The following PARD3B variants were observed in gnomAD, a reference collection of about 807,000 sequenced individuals.
PARD3B encodes partitioning defective 3 homolog B.
PARD3B carries 103 observed loss-of-function variants against 130.2 expected under a neutral mutation model. The ratio of observed to expected loss-of-function variants is 0.79; its 90% CI spans 0.67 to 0.93. The LOEUF is 0.93. Ranked by LOEUF, PARD3B falls within the 40% of genes least tolerant of loss-of-function variation. The pLI, the probability that PARD3B is intolerant of heterozygous loss-of-function variation, is 0.00. For missense variants in PARD3B, 1,609 were observed against 1,499.2 expected, an observed-to-expected ratio of 1.07 and a Z score of -1.21; for synonymous variants, 583 against 553.2, an observed-to-expected ratio of 1.05 and a Z score of -0.76.
chr2:205,586,445 G>A (rs933311282), intron 22 of PARD3B, among the ~76,000 whole-genome samples: 6 of 152,232 alleles, frequency 3.9e-5, no homozygotes, highest in African/African-American at 1.4e-4. Flanking sequence ...TCCAGAAAGG[G>A]TTCTGTTGGG....
At chr2:205,528,945 T>C (rs1322315003) in intron 21 of PARD3B, among the ~76,000 whole-genome samples, 1 of 152,274 alleles carries the variant, frequency 6.6e-6, no homozygotes, top group Middle Eastern at 3.4e-3. Context: ...CTCATTTAAG[T>C]ATTTTTGTAG....
chr2:205,124,526 T>C (rs1296682942), intron 9 of PARD3B, 60 bp downstream of exon 9: 1 of 1,291,920 alleles, frequency 7.7e-7, no homozygotes, highest in Non-Finnish European at 1.0e-6. Context: ...TAATGCCATT[T>C]AATTGCATTG....
In PARD3B at chr2:205,421,757, T is replaced by G. The variant is rs1390301031; in HGVS notation, c.2742-18613T>G. 2.6e-5 allele frequency among the ~76,000 whole-genome samples: 4 copies of G among 152,172 alleles called. No homozygotes were observed. Among genetic ancestry groups the G allele is most frequent in the Admixed American group, 1.3e-4 (2 of 15,272 alleles). On this transcript the variant is annotated intron_variant, in intron 19 of 22. Coordinates refer to ENST00000406610, the MANE Select transcript of PARD3B (RefSeq NM_001302769.2). This position sits in a 1 kb window ranked among gnomAD's most constrained non-coding sequence, Gnocchi z 5.1. ...TGAAGTTAGTTTCACTGAGCTAGAG[T>G]CAAGATGTCAACTGAGCTGATTCCT...
chr2:204,889,109 C>T (rs1267155473), intron 2 of PARD3B, among the ~76,000 whole-genome samples: 1 of 152,068 alleles, frequency 6.6e-6, no homozygotes, highest in Non-Finnish European at 1.5e-5. Context: ...CTGAGTAAGC[C>T]GTGCGTCTTT....
At chr2:204,927,856 G>A (rs906910760) in intron 2 of PARD3B, among the ~76,000 whole-genome samples, 14 of 151,994 alleles carry the variant, frequency 9.2e-5, no homozygotes, top group Admixed American at 5.2e-4. Context: ...AGGTAGGTAG[G>A]TAGGTAGATA....
chr2:205,094,118 A>G lies in PARD3B; in HGVS notation c.505-10308A>G, dbSNP rs564298972. ...ATAAGTCATGGTAAGGATTGCTTCA[A>G]GTGCCTCTTAGGTTGTCTGAAGAAA... On this transcript the variant is annotated intron_variant, in intron 4 of 22. Coordinates refer to ENST00000406610, the MANE Select transcript of PARD3B (RefSeq NM_001302769.2). 1.1e-4 allele frequency among the ~76,000 whole-genome samples: 17 copies of G among 152,288 alleles called. No individual in the cohort carries two copies. The South Asian group carries it at 3.1e-3, about 28-fold the overall frequency.
At chr2:205,435,110 A>C (rs1329215733) in intron 19 of PARD3B, among the ~76,000 whole-genome samples, 1 of 152,102 alleles carries the variant, frequency 6.6e-6, no homozygotes, top group Non-Finnish European at 1.5e-5. Flanking sequence ...AGAAAATGCA[A>C]ATAGCACATA....
intron 2 of PARD3B, among the ~76,000 whole-genome samples, chr2:204,787,801 G>T (rs552689399): frequency 6.6e-6 from 1 of 152,128 alleles, no homozygotes; most frequent in East Asian, 1.9e-4. Context: ...TTTGGGCAGG[G>T]TTGAATATAT....
At chr2:205,152,877 T>C (rs1167231304) in intron 10 of PARD3B, among the ~76,000 whole-genome samples, 1 of 152,330 alleles carries the variant, frequency 6.6e-6, no homozygotes, top group Admixed American at 6.5e-5. Flanking sequence ...CTCTGTTTTT[T>C]CCCCATCTTT....
At chr2:205,175,685 A>G (rs1233987210) in intron 12 of PARD3B, among the ~76,000 whole-genome samples, 1 of 152,214 alleles carries the variant, frequency 6.6e-6, no homozygotes, top group African/African-American at 2.4e-5. Context: ...GAGACAAATA[A>G]TACGAACAAG....
At chr2:205,191,053 C>A (rs1348608939) in intron 14 of PARD3B, among the ~76,000 whole-genome samples, 1 of 142,502 alleles carries the variant, frequency 7.0e-6, no homozygotes, top group Non-Finnish European at 1.5e-5. Flanking sequence ...TGAGAATGTA[C>A]CCAGACACCA....
chr2:205,398,539 T>C lies in PARD3B; in HGVS notation c.2631-2474T>C, dbSNP rs186997272. On this transcript the variant is annotated intron_variant, in intron 18 of 22. Transcript: ENST00000406610. ...TACAACCAAAAAACTACAGTAGGAG[T>C]AGAGAGAGATGGAGAGATGGCAATG... Among the ~76,000 whole-genome samples, 7 of 151,270 alleles carry C rather than the reference T, an allele frequency of 4.6e-5. No homozygotes were observed. In the East Asian group the frequency reaches 1.4e-3, roughly 30 times the overall value.
intron 2 of PARD3B, among the ~76,000 whole-genome samples, chr2:204,876,600 G>A (rs969605477): frequency 1.3e-5 from 2 of 152,134 alleles, no homozygotes; most frequent in Non-Finnish European, 2.9e-5. Flanking sequence ...CTTTTAACAT[G>A]TTGGAACTCT....
At chr2:205,541,628 G>C (rs546559333) in intron 21 of PARD3B, among the ~76,000 whole-genome samples, 67 of 152,096 alleles carry the variant, frequency 4.4e-4, no homozygotes, top group Middle Eastern at 3.4e-3. Flanking sequence ...GATTACAGGC[G>C]TGAGCCACCG....
chr2:205,331,846 G>T (rs1301337828), intron 18 of PARD3B, among the ~76,000 whole-genome samples: 1 of 149,090 alleles, frequency 6.7e-6, no homozygotes, highest in Admixed American at 6.7e-5. Flanking sequence ...AGTGGCTCAT[G>T]CCTGTAATCC....
intron 2 of PARD3B, among the ~76,000 whole-genome samples, chr2:204,953,965 A>G (rs1440734379): frequency 2.0e-5 from 3 of 152,168 alleles, no homozygotes; most frequent in Non-Finnish European, 4.4e-5. Flanking sequence ...CCCAGAAAAG[A>G]GGTGCCACAC....
chr2:204,706,856 C>T (rs568785790), intron 2 of PARD3B, among the ~76,000 whole-genome samples: 2 of 152,072 alleles, frequency 1.3e-5, no homozygotes, highest in Admixed American at 1.3e-4. Flanking sequence ...TAGCAAAACA[C>T]TAATATTTAT....
At chr2:204,657,936 T>G (rs2035690599) in intron 1 of PARD3B, among the ~76,000 whole-genome samples, 1 of 152,130 alleles carries the variant, frequency 6.6e-6, no homozygotes, top group Non-Finnish European at 1.5e-5. Context: ...TCTTCATATA[T>G]TCTATAGTTT....
rs140549610 is a variant in PARD3B at position 205,239,404 on chromosome 2, CAT to C, written c.2141-6371_2141-6370del. Among the ~76,000 whole-genome samples, 1,120 of 152,222 alleles carry C rather than the reference CAT, an allele frequency of 7.4e-3. 17 individuals are homozygous for C. The highest frequency in any genetic ancestry group is 0.025 in the African/African-American group (1,050 of 41,546). On this transcript the variant is annotated intron_variant, in intron 15 of 22. Coordinates refer to ENST00000406610, the MANE Select transcript of PARD3B (RefSeq NM_001302769.2). ...TCTTTTTCTTAATGAAACTATTTAACATATTTTATTCTAACAAATATGTCATT... is the reference window on the plus strand; with the variant it reads ...TCTTTTTCTTAATGAAACTATTTAACATTTTATTCTAACAAATATGTCATT...
Sources: gnomAD v4.1 joint callset for allele counts (sites outside exome capture counted in the v4.1 genomes callset) on GRCh38, gnomAD v4.1.1 for gene constraint, Gnocchi (gnomAD v3.1) non-coding constraint, MANE v1.5 for transcripts, NCBI Gene and HGNC (gene_info 2026-07-23, HGNC 2026-07-21) for gene names.